The following CP variants were observed in gnomAD, a reference collection of about 807,000 sequenced individuals.
CP encodes caeruloplasmin.
Under a neutral mutation model 122.4 loss-of-function variants are expected in CP, and 64 were observed. The ratio of observed to expected loss-of-function variants is 0.52; its 90% CI spans 0.43 to 0.64. The LOEUF (loss-of-function observed/expected upper bound fraction) is 0.64, where lower values mean the gene tolerates loss of function less well. CP is among the 30% of genes least tolerant of loss of function. CP has a pLI of 0.00. For missense variants in CP, 1,167 were observed against 1,284.4 expected, an observed-to-expected ratio of 0.91 and a Z score of 1.40; for synonymous variants, 440 against 436.4, an observed-to-expected ratio of 1.01 and a Z score of -0.10.
chr3:149,183,943 C>T (rs1222775551), intron 12 of CP, among the ~76,000 whole-genome samples: 2 of 150,436 alleles, frequency 1.3e-5, no homozygotes, highest in Non-Finnish European at 2.9e-5. Context: ...TACTTTATAG[C>T]TCTAAAATTT....
downstream of CP, chr3:149,168,247 G>A (rs887526724): frequency 2.5e-5 from 10 of 405,566 alleles, no homozygotes; most frequent in Non-Finnish European, 4.1e-5. Flanking sequence ...GACAGCATCA[G>A]TGTTTTAAAA....
At position 149,206,452 on chromosome 3, in the gene CP, A is replaced by G. The variant is rs533029959; in HGVS notation, c.1037-113T>C. The G allele has an allele frequency of 6.6e-6, 8 of 1,215,468 alleles. No individual in the cohort carries two copies. In the African/African-American group the frequency reaches 1.0e-4, roughly 16 times the overall value. The allele number at this position is 1,215,468 out of a possible 1,614,324, so 75.3% of individuals were successfully genotyped here. A position where few individuals can be genotyped will look rare whatever the true frequency, so the allele number is the denominator to read the frequency against. On this transcript the variant is annotated intron_variant, in intron 5 of 18. Transcript: ENST00000264613. ...GTAGAAATTGAAGGAATAGACAGAT[A>G]GCAACAGTACTATAAACTAGGGCAG...
At position 149,173,268 on chromosome 3, in the gene CP, T is replaced by A. The variant is rs11537807; in HGVS notation, c.*446A>T. 6.5e-6 allele frequency: 1 copy of A among 152,938 alleles called. No individual in the cohort carries two copies. The highest frequency in any genetic ancestry group is 1.5e-5 in the Non-Finnish European group (1 of 68,594). 9.5% of individuals were successfully genotyped at this position (152,938 alleles called of 1,614,324 possible). A position where few individuals can be genotyped will look rare whatever the true frequency, so the allele number is the denominator to read the frequency against. Reference sequence around the variant, plus strand: ...TTATTTATTTTATTTTTTATTTCCTTCCCTCATACCTTGCCCATTCCCTCT... The same window carrying A: ...TTATTTATTTTATTTTTTATTTCCTACCCTCATACCTTGCCCATTCCCTCT... On this transcript the variant is annotated 3_prime_UTR_variant, in exon 19 of 19. Coordinates refer to ENST00000264613, the MANE Select transcript of CP (RefSeq NM_000096.4).
chr3:149,166,539 CT>C (rs945065950), intron 4 of CP, among the ~76,000 whole-genome samples: 1 of 152,240 alleles, frequency 6.6e-6, no homozygotes, highest in South Asian at 2.1e-4. Context: ...TTATCATAAA[CT>C]TTTTTTATTA....
intron 2 of CP, among the ~76,000 whole-genome samples, chr3:149,210,587 A>G (rs979332048): frequency 2.6e-5 from 4 of 152,084 alleles, no homozygotes; most frequent in Non-Finnish European, 2.9e-5. Flanking sequence ...TTATTTTTTT[A>G]TATTTGATTG....
At chr3:149,188,287 C>T (rs1048168691) in intron 9 of CP, 85 bp from the exon 10 acceptor site, 2 of 1,139,396 alleles carry the variant, frequency 1.8e-6, no homozygotes, top group Non-Finnish European at 2.6e-6. Context: ...TGCACAAACA[C>T]ACCTAAAGGA....
At chr3:149,181,976 ACCACCC>A in intron 14 of CP, 23 bp downstream of exon 14, 50 of 561,470 alleles carry the variant, frequency 8.9e-5, no homozygotes, top group Non-Finnish European at 1.6e-4. Context: ...GTTAAAATGC[ACCACCC>A]CCACCCCCGC....
intron 10 of CP, chr3:149,187,786 T>C (rs1726271889): frequency 2.4e-6 from 1 of 414,952 alleles, no homozygotes; most frequent in South Asian, 2.6e-5. Context: ...TTTGCATTTC[T>C]AAGTCCCTCA....
chr3:149,192,711 G>C (rs1370272800), intron 9 of CP, among the ~76,000 whole-genome samples: 3 of 150,982 alleles, frequency 2.0e-5, no homozygotes, highest in African/African-American at 7.3e-5. Context: ...TTAATATATA[G>C]ATATTTTATG....
At position 149,173,674 on chromosome 3, in the gene CP, G is replaced by A. The variant is rs112764171; in HGVS notation, c.*40C>T. ...TTCACATACATTGTTATGAATCATT[G>A]GTTTTTCTCTTTTTTCCACTTATCA... On this transcript the variant is annotated 3_prime_UTR_variant, in exon 19 of 19. Coordinates refer to ENST00000264613, the MANE Select transcript of CP (RefSeq NM_000096.4). 2,469 of 1,343,446 alleles carry A rather than the reference G, an allele frequency of 1.8e-3. 3 individuals are homozygous for A. The highest frequency in any genetic ancestry group is 2.4e-3 in the Non-Finnish European group (2,289 of 959,600). The allele number at this position is 1,343,446 out of a possible 1,614,324, so 83.2% of individuals were successfully genotyped here. A position where few individuals can be genotyped will look rare whatever the true frequency, so the allele number is the denominator to read the frequency against.
In CP at chr3:149,205,986, G is replaced by A. The variant is rs17847028; in HGVS notation, c.1208+182C>T. 5.3e-5 allele frequency among the ~76,000 whole-genome samples: 8 copies of A among 152,094 alleles called. No homozygotes were observed. The East Asian group carries it at 1.5e-3, about 29-fold the overall frequency. ...AACTTTTGAACCCATCTTTTTTCAT[G>A]GACTCAAAACTCATAGTTCTCAAGC... On this transcript the variant is annotated intron_variant, in intron 6 of 18. Transcript: ENST00000264613.
rs748784147 is a variant in CP, at chr3:149,176,356, G to A, written c.3075C>T (p.Thr1025=). ...CAGGTGTTCTTGGAAACATTTCTAG[G>A]GTTTGGTATGTTCCAGGGAAAATGT... is the stretch of plus-strand genomic sequence containing the variant. ...VFDIFPGTYQ[T]LEMFPRTPGI... is the part of the protein sequence containing the mutation. Residue 1025 remains threonine, a synonymous_variant, in exon 18 of 19, where the codon ACC becomes ACT. Coordinates refer to ENST00000264613, the MANE Select transcript of CP (RefSeq NM_000096.4). The A allele has an allele frequency of 5.0e-6, 8 of 1,613,140 alleles. No individual in the cohort carries two copies. The highest frequency in any genetic ancestry group is 2.2e-5 in the South Asian group (2 of 91,046).
chr3:149,168,693 G>GC (rs756714397), downstream of CP, among the ~76,000 whole-genome samples: 6 of 152,236 alleles, frequency 3.9e-5, no homozygotes, highest in Non-Finnish European at 7.4e-5. Flanking sequence ...TTTAATTAAA[G>GC]CTGTATGCTT....
chr3:149,172,317 A>AACACACAC, downstream of CP: 2 of 640,902 alleles, frequency 3.1e-6, no homozygotes, highest in Non-Finnish European at 5.2e-6. Flanking sequence ...TATTTTATAT[A>AACACACAC]TCACACACAC....
At chr3:149,182,756 T>C (rs1056301505) in intron 13 of CP, among the ~76,000 whole-genome samples, 1 of 152,212 alleles carries the variant, frequency 6.6e-6, no homozygotes, top group East Asian at 1.9e-4. Flanking sequence ...AATTTCCTTT[T>C]GTATATTTCT....
downstream of CP, chr3:149,167,942 G>A (rs778588670): frequency 3.3e-5 from 53 of 1,605,776 alleles, no homozygotes; most frequent in East Asian, 6.9e-4. Context: ...AGAATAAAAT[G>A]TGGTGGAGAG....
At chr3:149,199,954 C>G in intron 7 of CP, 90 bp from the exon 8 acceptor site, 1 of 1,350,004 alleles carries the variant, frequency 7.4e-7, no homozygotes, top group Non-Finnish European at 1.1e-6. Context: ...TGTTCTCTGG[C>G]AAGAACTACT....
chr3:149,171,912 G>A (rs1725029523), downstream of CP, among the ~76,000 whole-genome samples: 1 of 151,862 alleles, frequency 6.6e-6, no homozygotes, highest in African/African-American at 2.4e-5. Flanking sequence ...TCACCATGTT[G>A]GCCAGACTGG....
At chr3:149,194,274 T>G (rs1726745079) in intron 9 of CP, among the ~76,000 whole-genome samples, 1 of 151,358 alleles carries the variant, frequency 6.6e-6, no homozygotes, top group Non-Finnish European at 1.5e-5. Flanking sequence ...AGTCTGGCTT[T>G]GTCCCCCAGG....
Sources: allele counts gnomAD v4.1 joint callset (sites outside exome capture counted in the v4.1 genomes callset), GRCh38; gene constraint gnomAD v4.1.1; transcripts MANE v1.5; gene names NCBI Gene and HGNC (gene_info 2026-07-23, HGNC 2026-07-21).